The following PCDHGA9 variants were observed in gnomAD, a reference collection of about 807,000 sequenced individuals.
The protein encoded by PCDHGA9 is protocadherin gamma-A9.
In PCDHGA9, 37 loss-of-function variants were observed where a neutral mutation model predicts 62.5. The observed-to-expected ratio is 0.59, with a 90% confidence interval of 0.46 to 0.78. The LOEUF (loss-of-function observed/expected upper bound fraction) is 0.78. PCDHGA9 is among the 30% of genes least tolerant of loss of function. The pLI is 0.00. For synonymous variants in PCDHGA9, 459 were observed against 484.6 expected, an observed-to-expected ratio of 0.95 and a Z score of 0.69; for missense variants, 1,138 against 1,166.2, an observed-to-expected ratio of 0.98 and a Z score of 0.35.
In PCDHGA9 at chr5:141,447,157, T is replaced by A. The variant is rs569196292; in HGVS notation, c.2424+41781T>A. On this transcript the variant is annotated intron_variant, in intron 1 of 3. Transcript: ENST00000573521. The stretch of plus-strand genomic sequence containing the variant: ...TTTGTTTTTTGTTTTTGTTTTTGTT[T>A]AAGCGGGGTCTTGCTCTTGTCGCGC... Among the ~76,000 whole-genome samples the A allele has an allele frequency of 4.1e-4, 62 of 152,254 alleles. No homozygotes were observed. The South Asian group carries it at 0.013, about 31-fold the overall frequency.
chr5:141,509,873 G>C (rs2099878704), intron 3 of PCDHGA9, among the ~76,000 whole-genome samples: 1 of 152,196 alleles, frequency 6.6e-6, no homozygotes, highest in South Asian at 2.1e-4. Flanking sequence ...CAAGCTGCTG[G>C]TGGTGATGGT....
chr5:141,491,483 A>ACCTGCAGGTGAGCTCGG lies in PCDHGA9; in HGVS notation c.2425-3323_2425-3307dup. The ACCTGCAGGTGAGCTCGG allele has an allele frequency of 3.1e-6, 5 of 1,614,018 alleles. No individual in the cohort carries two copies. The highest frequency in any genetic ancestry group is 4.2e-6 in the Non-Finnish European group (5 of 1,180,012). ...GACTTCTATAAGCAGTCCAGCCCCAACCTGCAGGTGAGCTCGGACGGCACG... is the reference window on the plus strand; with the variant it reads ...GACTTCTATAAGCAGTCCAGCCCCAACCTGCAGGTGAGCTCGGCCTGCAGGTGAGCTCGGACGGCACG... On this transcript the variant is annotated intron_variant, in intron 1 of 3. Coordinates refer to ENST00000573521, the MANE Select transcript of PCDHGA9 (RefSeq NM_018921.3). The surrounding 1 kb of genome is among the most constrained non-coding windows in gnomAD (Gnocchi z 6.9).
intron 1 of PCDHGA9, chr5:141,422,492 C>A (rs747903569): frequency 2.5e-6 from 4 of 1,613,816 alleles, no homozygotes; most frequent in African/African-American, 2.7e-5. Flanking sequence ...TACAATATAA[C>A]GTTGACAGCC....
At position 141,429,387 on chromosome 5, in the gene PCDHGA9, TAAAAA is replaced by T. The variant is rs11410533; in HGVS notation, c.2424+24015_2424+24019del. On this transcript the variant is annotated intron_variant, in intron 1 of 3. Transcript: ENST00000573521. ...AAATGGAGAAAATGTGTTTTTTTTT[TAAAAA>T]AAATTGAGATTAAGGTCTCATTATG... 8.8e-4 allele frequency among the ~76,000 whole-genome samples: 134 copies of T among 151,448 alleles called. 1 individual carries two copies. Among genetic ancestry groups the T allele is most frequent in the Non-Finnish European group, 1.5e-3 (103 of 67,818 alleles).
chr5:141,458,171 A>G (rs548935841), intron 1 of PCDHGA9, among the ~76,000 whole-genome samples: 74 of 152,336 alleles, frequency 4.9e-4, no homozygotes, highest in African/African-American at 1.6e-3. Flanking sequence ...TCACAGTAGT[A>G]TACCTTACTT....
intron 1 of PCDHGA9, chr5:141,416,195 CAATT>C (rs1181982521): frequency 6.6e-6 from 1 of 152,322 alleles, no homozygotes; most frequent in African/African-American, 2.4e-5. Flanking sequence ...ATTGAATTAA[CAATT>C]TATTTATAAC....
At position 141,490,908 on chromosome 5, in the gene PCDHGA9, C is replaced by A; in HGVS notation, c.2425-3899C>A. On this transcript the variant is annotated intron_variant, in intron 1 of 3. Coordinates refer to ENST00000573521, the MANE Select transcript of PCDHGA9 (RefSeq NM_018921.3). The surrounding 1 kb of genome is among the most constrained non-coding windows in gnomAD (Gnocchi z 5.4). The stretch of plus-strand genomic sequence containing the variant: ...CATCTCTGCATGTGTTTGTCCTAGA[C>A]GAGAATGATAATGCCCCAGCTGTGC... The A allele has an allele frequency of 6.2e-7, 1 of 1,613,710 alleles. No homozygotes were observed. Among genetic ancestry groups the A allele is most frequent in the Non-Finnish European group, 8.5e-7 (1 of 1,179,754 alleles).
rs774534952 is a variant in PCDHGA9, at chr5:141,404,180, C to A, written c.1228C>A (p.Leu410Ile). 6.2e-6 allele frequency: 10 copies of A among 1,613,196 alleles called. No homozygotes were observed. The highest frequency in any genetic ancestry group is 8.5e-6 in the Non-Finnish European group (10 of 1,179,562). ...DYYRLLTAQI[L>I]DREKASEYNI... ...TTACAGATTGTTGACGGCCCAAATT[C>A]TTGACCGAGAAAAAGCCTCAGAATA... The change falls in exon 1 of 4, where the codon CTT becomes ATT. Residue 410 changes from leucine to isoleucine, a missense_variant. By Grantham distance (5) the Leu-to-Ile change is conservative. Transcript: ENST00000573521.
chr5:141,421,593 G>A lies in PCDHGA9; in HGVS notation c.2424+16217G>A, dbSNP rs780085355. ...CCTTGAAGATTTACGGAGTGGAGGTGGAAATAATAGATATTAATGATAACG... is the reference window on the plus strand; with the variant it reads ...CCTTGAAGATTTACGGAGTGGAGGTAGAAATAATAGATATTAATGATAACG... On this transcript the variant is annotated intron_variant, in intron 1 of 3. Coordinates refer to ENST00000573521, the MANE Select transcript of PCDHGA9 (RefSeq NM_018921.3). 6 of 1,613,840 alleles carry A rather than the reference G, an allele frequency of 3.7e-6. No individual in the cohort carries two copies. In the East Asian group the frequency reaches 1.1e-4, roughly 30 times the overall value.
At chr5:141,409,723 G>T (rs781363259) in intron 1 of PCDHGA9, 1 of 1,613,154 alleles carries the variant, frequency 6.2e-7, no homozygotes, top group Non-Finnish European at 8.5e-7. Flanking sequence ...ACGTGTCAGT[G>T]AGCGCGCAGA....
chr5:141,432,700 G>A lies in PCDHGA9; in HGVS notation c.2424+27324G>A. On this transcript the variant is annotated intron_variant, in intron 1 of 3. Transcript: ENST00000573521. The surrounding 1 kb of genome is among the most constrained non-coding windows in gnomAD (Gnocchi z 6.0). ...AGCAGAGCCTCGTAGTGGCCGTCCAGGACCACGGCCAGCCCCCTCTCTCCG... is the reference window on the plus strand; with the variant it reads ...AGCAGAGCCTCGTAGTGGCCGTCCAAGACCACGGCCAGCCCCCTCTCTCCG... The A allele has an allele frequency of 6.2e-7, 1 of 1,613,980 alleles. No individual in the cohort carries two copies. The highest frequency in any genetic ancestry group is 8.5e-7 in the Non-Finnish European group (1 of 1,179,978).
chr5:141,471,964 T>C lies in PCDHGA9; in HGVS notation c.2425-22843T>C, dbSNP rs138170906. Among the ~76,000 whole-genome samples, 591 of 152,278 alleles carry C rather than the reference T, an allele frequency of 3.9e-3. 6 individuals are homozygous for C. Among genetic ancestry groups the C allele is most frequent in the Admixed American group, 0.011 (171 of 15,292 alleles). On this transcript the variant is annotated intron_variant, in intron 1 of 3. Transcript: ENST00000573521. ...TCTAAAACTGGATTGTGGGGTTGGT[T>C]GCATTACTGTATAAATTTATTAAAA...
rs774563598 is a variant in PCDHGA9 at position 141,431,225 on chromosome 5, C to T, written c.2424+25849C>T. 16 of 1,614,118 alleles carry T rather than the reference C, an allele frequency of 9.9e-6. No individual in the cohort carries two copies. The highest frequency in any genetic ancestry group is 1.2e-5 in the Non-Finnish European group (14 of 1,180,036). On this transcript the variant is annotated intron_variant, in intron 1 of 3. Transcript: ENST00000573521. The surrounding 1 kb of genome is among the most constrained non-coding windows in gnomAD (Gnocchi z 4.8). ...CACTGAGATGCGGTTCCCTCTACCC[C>T]ACGCCTGGGATCCGGATATCGGGAA...
chr5:141,486,671 C>T lies in PCDHGA9; in HGVS notation c.2425-8136C>T, dbSNP rs1307620045. The T allele has an allele frequency of 1.9e-6, 3 of 1,613,926 alleles. No homozygotes were observed. Among genetic ancestry groups the T allele is most frequent in the South Asian group, 1.1e-5 (1 of 91,078 alleles). On this transcript the variant is annotated intron_variant, in intron 1 of 3. Coordinates refer to ENST00000573521, the MANE Select transcript of PCDHGA9 (RefSeq NM_018921.3). This position sits in a 1 kb window ranked among gnomAD's most constrained non-coding sequence, Gnocchi z 5.0. Reference sequence around the variant, plus strand: ...CTACTCACTCCTGGAGCCCAGGAATCGAGATGTATCAGCTTCCTCTTTCAT... The same window carrying T: ...CTACTCACTCCTGGAGCCCAGGAATTGAGATGTATCAGCTTCCTCTTTCAT...
chr5:141,457,417 CT>C lies in PCDHGA9; in HGVS notation c.2425-37385del, dbSNP rs894846890. On this transcript the variant is annotated intron_variant, in intron 1 of 3. Transcript: ENST00000573521. ...ATTCACATTTTCACATTACCCATCC[CT>C]TTTTCCCCCCCACCAAGCTGCAGAA... Among the ~76,000 whole-genome samples, 3 of 152,296 alleles carry C rather than the reference CT, an allele frequency of 2.0e-5. No individual in the cohort carries two copies. In the South Asian group the frequency reaches 6.2e-4, roughly 32 times the overall value.
At chr5:141,503,005 G>A (rs915064303) in intron 2 of PCDHGA9, among the ~76,000 whole-genome samples, 16 of 145,340 alleles carry the variant, frequency 1.1e-4, no homozygotes, top group African/African-American at 2.3e-4. Flanking sequence ...CACCATGCCC[G>A]GTTAATTTTT....
intron 1 of PCDHGA9, among the ~76,000 whole-genome samples, chr5:141,464,240 G>A (rs1396190870): frequency 1.3e-5 from 2 of 150,444 alleles, no homozygotes; most frequent in Non-Finnish European, 2.9e-5. Context: ...ACTCCAGCCT[G>A]GGCTACAGAG....
chr5:141,491,714 C>T lies in PCDHGA9; in HGVS notation c.2425-3093C>T, dbSNP rs1321811999. 2 of 1,608,744 alleles carry T rather than the reference C, an allele frequency of 1.2e-6. No individual in the cohort carries two copies. Among genetic ancestry groups the T allele is most frequent in the Non-Finnish European group, 1.7e-6 (2 of 1,177,916 alleles). The stretch of plus-strand genomic sequence containing the variant: ...GAGCGGAGCCAGGTGAGGGGCTCGG[C>T]GCCGCCCCGGGCGACCCCTGGGGGC... On this transcript the variant is annotated intron_variant, in intron 1 of 3. Coordinates refer to ENST00000573521, the MANE Select transcript of PCDHGA9 (RefSeq NM_018921.3). The surrounding 1 kb of genome is among the most constrained non-coding windows in gnomAD (Gnocchi z 6.9).
In PCDHGA9 at chr5:141,403,638, A is replaced by G. The variant is rs373036061; in HGVS notation, c.686A>G (p.His229Arg). Residue 229 changes from histidine (H) to arginine (R), a missense_variant, in exon 1 of 4, where the codon CAT becomes CGT. Coordinates refer to ENST00000573521, the MANE Select transcript of PCDHGA9 (RefSeq NM_018921.3). ...EPRRSSTVRI[H>R]VTVLDTNDNA... ...CGTCGCTCCAGCACAGTGCGCATCCATGTGACAGTGTTGGATACAAATGAT... is the reference window on the plus strand; with the variant it reads ...CGTCGCTCCAGCACAGTGCGCATCCGTGTGACAGTGTTGGATACAAATGAT... The G allele has an allele frequency of 1.5e-5, 25 of 1,613,906 alleles. No individual in the cohort carries two copies. The East Asian group carries it at 4.5e-4, about 29-fold the overall frequency.
Sources: allele counts gnomAD v4.1 joint callset (sites outside exome capture counted in the v4.1 genomes callset), GRCh38; gene constraint gnomAD v4.1.1; non-coding constraint Gnocchi (gnomAD v3.1); transcripts MANE v1.5; gene names NCBI Gene and HGNC (gene_info 2026-07-23, HGNC 2026-07-21).